The following PLA2R1 variants were observed in gnomAD, a reference collection of about 807,000 sequenced individuals.
The protein encoded by PLA2R1 is secretory phospholipase A2 receptor.
PLA2R1 carries 158 observed loss-of-function variants against 195.9 expected under a neutral mutation model. The ratio of observed to expected loss-of-function variants is 0.81; its 90% CI spans 0.71 to 0.92. PLA2R1 has a LOEUF of 0.92. Among genes scored for constraint, PLA2R1 ranks in the 40% least tolerant of loss-of-function variants. The pLI, the probability that PLA2R1 is intolerant of heterozygous loss-of-function variation, is 0.00. For missense variants in PLA2R1, 1,626 were observed against 1,764.6 expected (o/e 0.92, Z 1.41); for synonymous variants, 586 against 598.2 (o/e 0.98, Z 0.30).
the PLA2R1 span, among the ~76,000 whole-genome samples, chr2:159,926,025 A>C: frequency 2.6e-5 from 4 of 152,196 alleles, no homozygotes; most frequent in African/African-American, 9.7e-5. Flanking sequence ...CTATGAATTA[A>C]TACTTCTGCT....
rs926371490 is a variant in PLA2R1, at chr2:160,045,081, C to T, written c.186G>A (p.Glu62=). ...TGTGCTTGTTTGCTTGCTTGCAGTT[C>T]TCCAGGGTCAGAACCGATTTACCTG... ...IQAGKSVLTL[E]NCKQANKHML... Residue 62 remains glutamate, a synonymous_variant, in exon 2 of 30, where the codon GAG becomes GAA. Coordinates refer to ENST00000283243, the MANE Select transcript of PLA2R1 (RefSeq NM_007366.5). The T allele has an allele frequency of 1.9e-6, 3 of 1,613,958 alleles. No homozygotes were observed. Among genetic ancestry groups the T allele is most frequent in the Admixed American group, 1.7e-5 (1 of 60,030 alleles).
chr2:160,019,309 C>T (rs773348742), intron 8 of PLA2R1, among the ~76,000 whole-genome samples: 1 of 152,080 alleles, frequency 6.6e-6, no homozygotes, highest in African/African-American at 2.4e-5. Flanking sequence ...ATCTTCCATC[C>T]CTCAGTTCTT....
At chr2:160,007,212 T>C (rs1692045153) in intron 10 of PLA2R1, among the ~76,000 whole-genome samples, 1 of 152,222 alleles carries the variant, frequency 6.6e-6, no homozygotes, top group African/African-American at 2.4e-5. Context: ...TTCCTTACAC[T>C]TCTGTTGGTT....
intron 14 of PLA2R1, among the ~76,000 whole-genome samples, chr2:159,978,542 G>C (rs1411845152): frequency 6.6e-6 from 1 of 152,156 alleles, no homozygotes; most frequent in African/African-American, 2.4e-5. Flanking sequence ...CAGATTGTCT[G>C]TTCCTCTCCT....
chr2:159,953,359 T>C (rs1687883605), intron 23 of PLA2R1, among the ~76,000 whole-genome samples: 1 of 152,254 alleles, frequency 6.6e-6, no homozygotes, highest in Admixed American at 6.5e-5. Context: ...AAGCCCAATG[T>C]AAGCACATAT....
chr2:160,003,938 A>C (rs1691786291), intron 11 of PLA2R1, among the ~76,000 whole-genome samples: 1 of 152,240 alleles, frequency 6.6e-6, no homozygotes, highest in African/African-American at 2.4e-5. Context: ...AAGTTCTCTA[A>C]GACAGATTGC....
intron 17 of PLA2R1, among the ~76,000 whole-genome samples, chr2:159,973,684 T>C (rs774051433): frequency 3.0e-4 from 46 of 152,148 alleles, no homozygotes; most frequent in Admixed American, 5.2e-4. Context: ...TCTATAGTGT[T>C]TTTTTATAGC....
chr2:160,013,869 A>G (rs1692557534), intron 9 of PLA2R1, among the ~76,000 whole-genome samples: 1 of 152,056 alleles, frequency 6.6e-6, no homozygotes, highest in Non-Finnish European at 1.5e-5. Flanking sequence ...ACTACTGTGC[A>G]ACCTTGTTTA....
Position 160,044,951 on chromosome 2 carries a change from A to T in PLA2R1, c.316T>A (p.Cys106Ser), listed in dbSNP as rs765375759. Reference sequence around the variant, plus strand: ...CGTAAGGAAACGAGGGTGGAGTCACATTCATATAAGCTTAATGGCTGCTCT... The same window carrying T: ...CGTAAGGAAACGAGGGTGGAGTCACTTTCATATAAGCTTAATGGCTGCTCT... ...APEQPLSLYE[C>S]DSTLVSLRWR... is the part of the protein sequence containing the mutation. Residue 106 changes from cysteine to serine, a missense_variant, in exon 2 of 30, where the codon TGT becomes AGT. Physicochemically the swap from Cys to Ser is moderately radical, Grantham distance 112 (BLOSUM62 -1). Transcript: ENST00000283243. The T allele has an allele frequency of 6.2e-7, 1 of 1,614,156 alleles. No homozygotes were observed. The highest frequency in any genetic ancestry group is 1.1e-5 in the South Asian group (1 of 91,084).
At chr2:159,923,933 T>C in the PLA2R1 span, among the ~76,000 whole-genome samples, 1 of 152,182 alleles carries the variant, frequency 6.6e-6, no homozygotes, top group South Asian at 2.1e-4. Context: ...ACAAACTTGG[T>C]TGCCTGAAAC....
intron 24 of PLA2R1, among the ~76,000 whole-genome samples, chr2:159,950,865 G>A (rs979328356): frequency 3.9e-5 from 6 of 152,116 alleles, no homozygotes; most frequent in Non-Finnish European, 7.4e-5. Context: ...TGAAAATAAC[G>A]TATTCTCTAA....
intron 11 of PLA2R1, among the ~76,000 whole-genome samples, chr2:159,996,974 A>G (rs960237032): frequency 6.6e-6 from 1 of 152,124 alleles, no homozygotes. Flanking sequence ...CATATTAATC[A>G]TAGTTTAAAA....
chr2:160,056,096 C>T (rs1695518046), intron 1 of PLA2R1, among the ~76,000 whole-genome samples: 1 of 152,176 alleles, frequency 6.6e-6, no homozygotes, highest in Non-Finnish European at 1.5e-5. Context: ...GATGACCCAA[C>T]ACTCTGACTC....
At chr2:159,948,406 AT>A (rs1053050325) in intron 25 of PLA2R1, among the ~76,000 whole-genome samples, 397 of 143,616 alleles carry the variant, frequency 2.8e-3, no homozygotes, top group Middle Eastern at 7.3e-3. Context: ...AGATAATTGA[AT>A]TTTTTTTTTT....
intron 17 of PLA2R1, among the ~76,000 whole-genome samples, chr2:159,975,609 C>T (rs1360756718): frequency 3.9e-5 from 6 of 152,082 alleles, no homozygotes; most frequent in Non-Finnish European, 7.4e-5. Flanking sequence ...CTTAATTTTC[C>T]TCTGTGGCAT....
Position 159,991,458 on chromosome 2 carries a change from GT to G in PLA2R1, c.1835-4101del, listed in dbSNP as rs769407516. Among the ~76,000 whole-genome samples, 55 of 139,328 alleles carry G rather than the reference GT, an allele frequency of 3.9e-4. 2 individuals carry two copies. The highest frequency in any genetic ancestry group is 1.9e-4 in the Non-Finnish European group (12 of 63,558). 91.4% of individuals were successfully genotyped at this position (139,328 alleles called of 152,430 possible). ...TTCTTTCTTTTTTTTTTTTTTTTAA[GT>G]TTTTCTTTCTTTTATTATTATACTT... On this transcript the variant is annotated intron_variant, in intron 11 of 29. Transcript: ENST00000283243.
At chr2:160,062,155 G>A in intron 1 of PLA2R1, 140 bp downstream of exon 1, 3 of 611,500 alleles carry the variant, frequency 4.9e-6, no homozygotes, top group Non-Finnish European at 8.5e-6. Flanking sequence ...GCTCAGGACT[G>A]CTGACACACG....
chr2:159,924,421 C>T, the PLA2R1 span, among the ~76,000 whole-genome samples: 16 of 152,164 alleles, frequency 1.1e-4, no homozygotes, highest in African/African-American at 3.4e-4. Context: ...CGAAGTCTCT[C>T]TTATTCAGAT....
intron 20 of PLA2R1, among the ~76,000 whole-genome samples, chr2:159,961,172 G>C (rs1292899890): frequency 1.3e-5 from 2 of 152,192 alleles, no homozygotes; most frequent in Non-Finnish European, 2.9e-5. Context: ...TCCAGTGGTG[G>C]AATTTTAGGC....
Sources: gnomAD v4.1 joint callset for allele counts (sites outside exome capture counted in the v4.1 genomes callset) on GRCh38, gnomAD v4.1.1 for gene constraint, MANE v1.5 for transcripts, NCBI Gene and HGNC (gene_info 2026-07-23, HGNC 2026-07-21) for gene names.